C1orf21: variants seen among roughly 807,000 people sequenced by gnomAD.
C1orf21 encodes uncharacterized protein C1orf21.
A neutral mutation model predicts 18.7 loss-of-function variants in C1orf21; 3 were observed. The observed-to-expected ratio is 0.16, with a 90% CI of 0.07 to 0.42. C1orf21 has a LOEUF of 0.42. Among genes scored for constraint, C1orf21 ranks in the 10% least tolerant of loss-of-function variants. The pLI is 0.99. For synonymous variants in C1orf21, 41 were observed against 46.4 expected (o/e 0.88, Z 0.47); for missense variants, 104 against 143.6 (o/e 0.72, Z 1.41).
At chr1:184,443,263 A>G (rs1656975734) in intron 1 of C1orf21, among the ~76,000 whole-genome samples, 1 of 152,124 alleles carries the variant, frequency 6.6e-6, no homozygotes, top group Non-Finnish European at 1.5e-5. Context: ...GCTCTGGGTG[A>G]GATTATTAAC....
intron 3 of C1orf21, among the ~76,000 whole-genome samples, chr1:184,530,712 T>C (rs1011341624): frequency 6.6e-6 from 1 of 151,902 alleles, no homozygotes; most frequent in Non-Finnish European, 1.5e-5. Context: ...TATGACTTTT[T>C]TTTCCTTATA....
At chr1:184,446,403 A>G (rs1657030510) in intron 1 of C1orf21, among the ~76,000 whole-genome samples, 1 of 151,892 alleles carries the variant, frequency 6.6e-6, no homozygotes, top group South Asian at 2.1e-4. Context: ...AAGAAATCCT[A>G]CTTTTGTGTC....
chr1:184,507,250 C>T (rs1282982745), intron 2 of C1orf21, among the ~76,000 whole-genome samples: 1 of 152,066 alleles, frequency 6.6e-6, no homozygotes, highest in Non-Finnish European at 1.5e-5. Context: ...TCAGACAGTT[C>T]TGTGATATGT....
intron 1 of C1orf21, among the ~76,000 whole-genome samples, chr1:184,395,555 C>T (rs1233088045): frequency 1.3e-5 from 2 of 151,928 alleles, no homozygotes; most frequent in African/African-American, 4.8e-5. Flanking sequence ...GATAAAAAGG[C>T]CTGGCCCTGC....
At chr1:184,440,786 A>G (rs983195166) in intron 1 of C1orf21, among the ~76,000 whole-genome samples, 2 of 152,226 alleles carry the variant, frequency 1.3e-5, no homozygotes, top group Non-Finnish European at 2.9e-5. Flanking sequence ...TTCAACACTT[A>G]TGTTAAAAAA....
At chr1:184,444,563 G>A (rs1571360552) in intron 1 of C1orf21, among the ~76,000 whole-genome samples, 5 of 152,000 alleles carry the variant, frequency 3.3e-5, no homozygotes, top group African/African-American at 7.3e-5. Context: ...TCCCAGTTTC[G>A]GGTTTGTCTT....
intron 3 of C1orf21, among the ~76,000 whole-genome samples, chr1:184,514,715 A>C (rs1247058655): frequency 6.6e-6 from 1 of 152,216 alleles, no homozygotes; most frequent in Non-Finnish European, 1.5e-5. Flanking sequence ...TATGTTAGTG[A>C]AAATTAGAAA....
intron 1 of C1orf21, among the ~76,000 whole-genome samples, chr1:184,394,827 A>G (rs1280870261): frequency 6.6e-6 from 1 of 152,200 alleles, no homozygotes; most frequent in Non-Finnish European, 1.5e-5. Flanking sequence ...GGTGGATAAT[A>G]TTTTGATGAA....
At chr1:184,468,822 G>A (rs1021443477) in intron 1 of C1orf21, among the ~76,000 whole-genome samples, 1 of 152,176 alleles carries the variant, frequency 6.6e-6, no homozygotes, top group African/African-American at 2.4e-5. Flanking sequence ...AGGAGGCTGA[G>A]GCAGAAGAAT....
At chr1:184,591,117 C>T (rs143471361) in intron 4 of C1orf21, among the ~76,000 whole-genome samples, 36 of 152,228 alleles carry the variant, frequency 2.4e-4, no homozygotes, top group African/African-American at 8.7e-4. Flanking sequence ...TGAGAATCTG[C>T]AGATTTTGTT....
rs1401185949 is a variant in C1orf21 at position 184,626,460 on chromosome 1, A to C, written c.*6904A>C. The C allele has an allele frequency of 6.6e-6, 1 of 152,510 alleles. No homozygotes were observed. The highest frequency in any genetic ancestry group is 1.5e-5 in the Non-Finnish European group (1 of 68,362). 9.4% of individuals were successfully genotyped at this position (152,510 alleles called of 1,614,324 possible). ...CTGCAGTACAGAGGCTGGAGCTTGG[A>C]CTTGTAGAGGGAGAGAGAAGAGCAA... On this transcript the variant is annotated 3_prime_UTR_variant, in exon 6 of 6. Coordinates refer to ENST00000235307, the MANE Select transcript of C1orf21 (RefSeq NM_030806.4).
chr1:184,486,651 A>G (rs1657736550), intron 2 of C1orf21, among the ~76,000 whole-genome samples: 2 of 152,178 alleles, frequency 1.3e-5, no homozygotes, highest in South Asian at 4.1e-4. Flanking sequence ...TCTACTTGGA[A>G]ACGTTTTCTA....
intron 2 of C1orf21, among the ~76,000 whole-genome samples, chr1:184,505,455 A>G (rs376976061): frequency 2.0e-5 from 3 of 151,448 alleles, no homozygotes; most frequent in African/African-American, 4.8e-5. Context: ...TTCACAATTT[A>G]GTTCAGTTAA....
chr1:184,590,117 T>C (rs765970958), intron 3 of C1orf21, among the ~76,000 whole-genome samples: 8 of 152,208 alleles, frequency 5.3e-5, no homozygotes, highest in Non-Finnish European at 1.0e-4. Flanking sequence ...CTTACTGATA[T>C]ACTAGCATTT....
intron 1 of C1orf21, among the ~76,000 whole-genome samples, chr1:184,474,510 C>G (rs1047038473): frequency 1.3e-5 from 2 of 152,104 alleles, no homozygotes; most frequent in Non-Finnish European, 2.9e-5. Flanking sequence ...TTTGTGCAAA[C>G]ACAACTTTTA....
At chr1:184,566,733 C>G in intron 3 of C1orf21, 1 of 392,958 alleles carries the variant, frequency 2.5e-6, no homozygotes, top group Non-Finnish European at 5.1e-6. Flanking sequence ...CCATCTGGGA[C>G]TACCAGATGA....
At chr1:184,406,409 A>G (rs1272340689) in intron 1 of C1orf21, among the ~76,000 whole-genome samples, 1 of 152,168 alleles carries the variant, frequency 6.6e-6, no homozygotes, top group Non-Finnish European at 1.5e-5. Context: ...GAAAAAAAAC[A>G]TTGATATTAA....
intron 1 of C1orf21, among the ~76,000 whole-genome samples, chr1:184,400,348 T>A (rs1656129109): frequency 6.6e-6 from 1 of 152,124 alleles, no homozygotes; most frequent in African/African-American, 2.4e-5. Context: ...TGGACAGAGT[T>A]CAGAAAAATA....
At chr1:184,536,731 C>A (rs1658562915) in intron 3 of C1orf21, among the ~76,000 whole-genome samples, 1 of 152,068 alleles carries the variant, frequency 6.6e-6, no homozygotes, top group African/African-American at 2.4e-5. Flanking sequence ...CAGACACTAT[C>A]CCTCTTGTGC....
Sources: allele counts gnomAD v4.1 joint callset (sites outside exome capture counted in the v4.1 genomes callset), GRCh38; gene constraint gnomAD v4.1.1; transcripts MANE v1.5; gene names NCBI Gene and HGNC (gene_info 2026-07-23, HGNC 2026-07-21).